NCKAP5: variants seen among roughly 807,000 people sequenced by gnomAD.
NCKAP5 encodes nck-associated protein 5.
In NCKAP5, 92 loss-of-function variants were observed where a neutral mutation model predicts 167.0. That is an observed-to-expected ratio of 0.55 (90% CI 0.47 to 0.66). The LOEUF (loss-of-function observed/expected upper bound fraction) is 0.66, where lower values mean the gene tolerates loss of function less well. Among genes scored for constraint, NCKAP5 ranks in the 30% least tolerant of loss-of-function variants. The pLI is 0.00. For synonymous variants in NCKAP5, 891 were observed against 877.4 expected, an observed-to-expected ratio of 1.02 and a Z score of -0.27; for missense variants, 2,378 against 2,315.0, an observed-to-expected ratio of 1.03 and a Z score of -0.56.
chr2:133,272,461 AGTGAT>A (rs2089556632), intron 4 of NCKAP5, among the ~76,000 whole-genome samples: 1 of 152,204 alleles, frequency 6.6e-6, no homozygotes, highest in Non-Finnish European at 1.5e-5. Context: ...ATTGACATAA[AGTGAT>A]CAATGTCCTA....
intron 6 of NCKAP5, among the ~76,000 whole-genome samples, chr2:133,045,405 G>C (rs1294705030): frequency 6.6e-6 from 1 of 151,898 alleles, no homozygotes; most frequent in Non-Finnish European, 1.5e-5. Context: ...ACATAATTAA[G>C]AGAGACTGAA....
intron 5 of NCKAP5, among the ~76,000 whole-genome samples, chr2:133,179,847 G>A (rs2084653300): frequency 6.6e-6 from 1 of 152,054 alleles, no homozygotes; most frequent in Admixed American, 6.6e-5. Context: ...TCAGGAATGT[G>A]TAGGAATGAA....
At chr2:132,883,268 A>C (rs893097508) in intron 8 of NCKAP5, among the ~76,000 whole-genome samples, 1 of 150,644 alleles carries the variant, frequency 6.6e-6, no homozygotes, top group African/African-American at 2.4e-5. Context: ...ACTCCCTCCT[A>C]TTACATATCC....
intron 6 of NCKAP5, among the ~76,000 whole-genome samples, chr2:133,065,151 A>G (rs1343910578): frequency 6.6e-6 from 1 of 152,234 alleles, no homozygotes; most frequent in East Asian, 1.9e-4. Flanking sequence ...GAAACATCTC[A>G]TAAGTCCACA....
At chr2:133,547,051 C>T (rs922852638) in intron 2 of NCKAP5, among the ~76,000 whole-genome samples, 2 of 152,204 alleles carry the variant, frequency 1.3e-5, no homozygotes, top group Non-Finnish European at 2.9e-5. Flanking sequence ...CAGGGCGAGG[C>T]ATTGCCTCAC....
rs531981384 is a variant in NCKAP5 at position 133,473,110 on chromosome 2, G to C, written c.69+44348C>G. ...GCACTTTGGGAGGCCAAGGCGGGTG[G>C]ATCATGAGGTCAGGAGATCGAGACC... On this transcript the variant is annotated intron_variant, in intron 3 of 19. Coordinates refer to ENST00000409261, the MANE Select transcript of NCKAP5 (RefSeq NM_207363.3). Among the ~76,000 whole-genome samples the C allele has an allele frequency of 4.3e-4, 65 of 152,252 alleles. 1 individual carries two copies. Among genetic ancestry groups the C allele is most frequent in the African/African-American group, 1.4e-3 (59 of 41,548 alleles).
chr2:132,820,842 T>C (rs1486476000), intron 11 of NCKAP5, among the ~76,000 whole-genome samples: 1 of 152,188 alleles, frequency 6.6e-6, no homozygotes. Flanking sequence ...AATCCAGAGA[T>C]AGGTTGTCAT....
At chr2:132,794,223 CATATATATATATATAT>C (rs1166750939) in intron 12 of NCKAP5, among the ~76,000 whole-genome samples, 45 of 21,168 alleles carry the variant, frequency 2.1e-3, no homozygotes, top group African/African-American at 3.6e-3. Context: ...AATGTTTATA[CATATATATATATATAT>C]ATATATATAT....
chr2:133,086,665 T>A (rs1428758859), intron 6 of NCKAP5, among the ~76,000 whole-genome samples: 1 of 152,042 alleles, frequency 6.6e-6, no homozygotes, highest in Non-Finnish European at 1.5e-5. Flanking sequence ...AAAAAAAAAT[T>A]TCTGATCCAT....
chr2:132,965,817 C>T (rs2076643275), intron 7 of NCKAP5, among the ~76,000 whole-genome samples: 1 of 151,934 alleles, frequency 6.6e-6, no homozygotes. Context: ...TGTATCTAAA[C>T]ATATCTAAAC....
chr2:133,192,886 C>T (rs2085288523), intron 5 of NCKAP5, among the ~76,000 whole-genome samples: 2 of 152,130 alleles, frequency 1.3e-5, no homozygotes, highest in Middle Eastern at 3.4e-3. Flanking sequence ...ACACTGCAAT[C>T]CCTGGGAATT....
chr2:133,387,382 C>G (rs991713814), intron 3 of NCKAP5, among the ~76,000 whole-genome samples: 11 of 152,224 alleles, frequency 7.2e-5, no homozygotes, highest in African/African-American at 2.7e-4. Context: ...CCCCCACTCT[C>G]TTCTGGCTCA....
intron 19 of NCKAP5, among the ~76,000 whole-genome samples, chr2:132,713,717 A>C (rs1347804145): frequency 6.6e-6 from 1 of 152,182 alleles, no homozygotes; most frequent in Admixed American, 6.5e-5. Context: ...GCCAAACAAA[A>C]AAAAAAAGAG....
At chr2:132,995,747 AGT>A (rs2149314941) in intron 6 of NCKAP5, among the ~76,000 whole-genome samples, 1 of 151,966 alleles carries the variant, frequency 6.6e-6, no homozygotes, top group South Asian at 2.1e-4. Flanking sequence ...GGCTGACGTG[AGT>A]GGATCACCTG....
At position 133,492,144 on chromosome 2, in the gene NCKAP5, A is replaced by AGTGTGTGT. The variant is rs371797170; in HGVS notation, c.69+25306_69+25313dup. Among the ~76,000 whole-genome samples, 787 of 141,658 alleles carry AGTGTGTGT rather than the reference A, an allele frequency of 5.6e-3. 8 individuals are homozygous for AGTGTGTGT. Among genetic ancestry groups the AGTGTGTGT allele is most frequent in the African/African-American group, 0.02 (742 of 36,928 alleles). 92.9% of individuals were successfully genotyped at this position (141,658 alleles called of 152,430 possible). On this transcript the variant is annotated intron_variant, in intron 3 of 19. Coordinates refer to ENST00000409261, the MANE Select transcript of NCKAP5 (RefSeq NM_207363.3). ...CCTGTATCCTATGCCATATCTAGTT[A>AGTGTGTGT]GTGTGTGTGTGTGTGTGTGTGTGTG...
chr2:133,461,727 C>A (rs1692210001), intron 3 of NCKAP5, among the ~76,000 whole-genome samples: 2 of 152,180 alleles, frequency 1.3e-5, no homozygotes, highest in Admixed American at 6.6e-5. Context: ...ACAGCCTCAC[C>A]TGATTGCAAA....
chr2:133,186,092 T>G (rs540057970), intron 5 of NCKAP5, among the ~76,000 whole-genome samples: 1 of 152,248 alleles, frequency 6.6e-6, no homozygotes, highest in South Asian at 2.1e-4. Flanking sequence ...ATGTTGGCTG[T>G]AGGTTTGTCA....
intron 11 of NCKAP5, among the ~76,000 whole-genome samples, chr2:132,801,193 G>A (rs1485371613): frequency 6.6e-6 from 1 of 152,298 alleles, no homozygotes; most frequent in East Asian, 1.9e-4. Flanking sequence ...CCAGGTATAA[G>A]GAGTTTGGCT....
chr2:132,684,047 C>T (rs1685616683), intron 19 of NCKAP5, among the ~76,000 whole-genome samples: 1 of 152,208 alleles, frequency 6.6e-6, no homozygotes, highest in African/African-American at 2.4e-5. Flanking sequence ...TTGAATATTG[C>T]ATTATAAAAG....
Sources: gnomAD v4.1 joint callset for allele counts (sites outside exome capture counted in the v4.1 genomes callset) on GRCh38, gnomAD v4.1.1 for gene constraint, MANE v1.5 for transcripts, NCBI Gene and HGNC (gene_info 2026-07-23, HGNC 2026-07-21) for gene names.